LRRTM4: variants seen among roughly 807,000 people sequenced by gnomAD.
LRRTM4 encodes the protein leucine rich repeat transmembrane neuronal 4.
A neutral mutation model predicts 47.6 loss-of-function variants in LRRTM4; 25 were observed. The observed-to-expected ratio is 0.53, with a 90% CI of 0.38 to 0.73. The LOEUF is 0.73. LRRTM4 is among the 30% of genes least tolerant of loss of function. The pLI, the probability that LRRTM4 is intolerant of heterozygous loss-of-function variation, is 0.00. For missense variants in LRRTM4, 638 were observed against 713.4 expected (o/e 0.89, Z 1.20); for synonymous variants, 311 against 269.5 (o/e 1.15, Z -1.51).
chr2:76,823,629 A>G (rs993066189), intron 3 of LRRTM4, among the ~76,000 whole-genome samples: 3 of 151,452 alleles, frequency 2.0e-5, no homozygotes, highest in African/African-American at 7.3e-5. Flanking sequence ...TTGACAAACC[A>G]CAATAAATAT....
chr2:76,943,842 G>C (rs1573349043), intron 3 of LRRTM4, among the ~76,000 whole-genome samples: 1 of 152,036 alleles, frequency 6.6e-6, no homozygotes, highest in African/African-American at 2.4e-5. Flanking sequence ...TATCTTCTTT[G>C]TTTGCACCCA....
chr2:77,162,780 T>A (rs532307550), intron 3 of LRRTM4, among the ~76,000 whole-genome samples: 1 of 152,092 alleles, frequency 6.6e-6, no homozygotes, highest in South Asian at 2.1e-4. Flanking sequence ...GAAGGAAAAC[T>A]AACAAACAGA....
intron 3 of LRRTM4, among the ~76,000 whole-genome samples, chr2:76,813,410 G>C (rs1670803435): frequency 6.6e-6 from 1 of 152,082 alleles, no homozygotes; most frequent in Non-Finnish European, 1.5e-5. Flanking sequence ...TCTAATGTCA[G>C]AGAAATATAA....
At chr2:76,864,517 C>T (rs1487658971) in intron 3 of LRRTM4, among the ~76,000 whole-genome samples, 4 of 151,960 alleles carry the variant, frequency 2.6e-5, no homozygotes, top group African/African-American at 4.8e-5. Context: ...ATTAGCTTGG[C>T]GTGGTGGCGC....
chr2:77,510,353 G>T (rs1349502955), intron 3 of LRRTM4, among the ~76,000 whole-genome samples: 1 of 152,038 alleles, frequency 6.6e-6, no homozygotes, highest in East Asian at 1.9e-4. Context: ...AAGGAGGGAA[G>T]AATTGAAATG....
chr2:77,294,882 C>G (rs1676928686), intron 3 of LRRTM4, among the ~76,000 whole-genome samples: 1 of 151,990 alleles, frequency 6.6e-6, no homozygotes, highest in South Asian at 2.1e-4. Context: ...TTATTACCAT[C>G]TATATTTTAG....
intron 3 of LRRTM4, among the ~76,000 whole-genome samples, chr2:76,805,696 C>G (rs1466674015): frequency 6.6e-6 from 1 of 152,140 alleles, no homozygotes; most frequent in African/African-American, 2.4e-5. Flanking sequence ...ACTAATGACG[C>G]ATACCATGTA....
intron 3 of LRRTM4, among the ~76,000 whole-genome samples, chr2:77,488,861 C>T (rs989613530): frequency 6.6e-6 from 1 of 151,822 alleles, no homozygotes; most frequent in African/African-American, 2.4e-5. Flanking sequence ...CCATTAACAA[C>T]TTGTGACCCT....
intron 3 of LRRTM4, among the ~76,000 whole-genome samples, chr2:77,080,624 C>T (rs1680499696): frequency 6.6e-6 from 1 of 151,290 alleles, no homozygotes; most frequent in African/African-American, 2.4e-5. Context: ...TCAAACTAAA[C>T]ACTTTAAAGT....
At chr2:77,216,682 A>G (rs1448855335) in intron 3 of LRRTM4, among the ~76,000 whole-genome samples, 1 of 152,200 alleles carries the variant, frequency 6.6e-6, no homozygotes, top group Admixed American at 6.5e-5. Context: ...TTTCAATAGA[A>G]AGGGTAACAT....
In LRRTM4 at chr2:76,770,347, C is replaced by T. The variant is rs915493654; in HGVS notation, c.1552-21431G>A. The stretch of plus-strand genomic sequence containing the variant: ...CAGTAACTTTTTGCTGTTCTGAACT[C>T]CCATCTCCATCATCTGTATTGACCA... On this transcript the variant is annotated intron_variant, in intron 3 of 3. Coordinates refer to ENST00000409884, the MANE Select transcript of LRRTM4 (RefSeq NM_001134745.3). 1.1e-4 allele frequency among the ~76,000 whole-genome samples: 16 copies of T among 152,230 alleles called. No individual in the cohort carries two copies. In the South Asian group the frequency reaches 2.3e-3, roughly 22 times the overall value.
intron 3 of LRRTM4, among the ~76,000 whole-genome samples, chr2:77,221,726 A>C (rs1360153624): frequency 2.6e-5 from 4 of 152,042 alleles, no homozygotes; most frequent in Non-Finnish European, 4.4e-5. Flanking sequence ...GTGACCTACA[A>C]AGAGACTTAG....
chr2:77,472,675 C>A (rs141918541), intron 3 of LRRTM4, among the ~76,000 whole-genome samples: 88 of 152,204 alleles, frequency 5.8e-4, no homozygotes, highest in Non-Finnish European at 9.6e-4. Context: ...GGGGCTACTG[C>A]GTGCATTCTA....
chr2:76,909,889 T>C (rs575663190), intron 3 of LRRTM4, among the ~76,000 whole-genome samples: 5 of 152,268 alleles, frequency 3.3e-5, no homozygotes, highest in Middle Eastern at 3.4e-3. Flanking sequence ...CACTTTCACA[T>C]TGTTGGTGGG....
chr2:77,361,266 A>T (rs1212879190), intron 3 of LRRTM4, among the ~76,000 whole-genome samples: 2 of 151,962 alleles, frequency 1.3e-5, no homozygotes, highest in Non-Finnish European at 2.9e-5. Flanking sequence ...GTAACTTTTT[A>T]AAATTTCCTC....
chr2:77,188,097 G>A (rs1673561389), intron 3 of LRRTM4, among the ~76,000 whole-genome samples: 1 of 152,080 alleles, frequency 6.6e-6, no homozygotes, highest in South Asian at 2.1e-4. Context: ...TTTACTCCCT[G>A]TAACTTTAAA....
chr2:76,860,930 A>T (rs1346052874), intron 3 of LRRTM4, among the ~76,000 whole-genome samples: 1 of 152,116 alleles, frequency 6.6e-6, no homozygotes, highest in Non-Finnish European at 1.5e-5. Flanking sequence ...CCTGGTGTTA[A>T]TATCTCATAG....
intron 3 of LRRTM4, among the ~76,000 whole-genome samples, chr2:76,847,559 A>T (rs1259292561): frequency 1.3e-5 from 2 of 151,998 alleles, no homozygotes; most frequent in East Asian, 3.9e-4. Flanking sequence ...GGTTTCTTTA[A>T]ACACTTATTT....
intron 3 of LRRTM4, among the ~76,000 whole-genome samples, chr2:77,416,895 G>T (rs1215863155): frequency 6.6e-6 from 1 of 151,924 alleles, no homozygotes; most frequent in East Asian, 1.9e-4. Context: ...TGACAAATGG[G>T]ATCTAATTAA....
Sources: allele counts gnomAD v4.1 joint callset (sites outside exome capture counted in the v4.1 genomes callset), GRCh38; gene constraint gnomAD v4.1.1; transcripts MANE v1.5; gene names NCBI Gene and HGNC (gene_info 2026-07-23, HGNC 2026-07-21).